DMD: variants seen among roughly 807,000 people sequenced by gnomAD.
The protein encoded by DMD is mutant dystrophin.
A neutral mutation model predicts 330.1 loss-of-function variants in DMD; 63 were observed. The ratio of observed to expected loss-of-function variants is 0.19; its 90% confidence interval spans 0.16 to 0.24. The LOEUF is 0.24. Ranked by LOEUF, DMD falls within the 10% of genes least tolerant of loss-of-function variation. The pLI is 1.00. For missense variants in DMD, 3,344 were observed against 2,684.1 expected, an observed-to-expected ratio of 1.25 and a Z score of -5.43; for synonymous variants, 1,223 against 959.8, an observed-to-expected ratio of 1.27 and a Z score of -5.07.
chrX:32,022,213 T>G (rs777634378), intron 44 of DMD, among the ~76,000 whole-genome samples: 1 of 112,069 alleles, frequency 8.9e-6, no homozygotes, highest in African/African-American at 3.2e-5. Flanking sequence ...TGAGTTGATA[T>G]ATTGAATTAT....
intron 55 of DMD, among the ~76,000 whole-genome samples, chrX:31,557,590 T>G (rs2074922790): frequency 8.9e-6 from 1 of 112,236 alleles, no homozygotes; most frequent in Non-Finnish European, 1.9e-5. Flanking sequence ...AATCTAGCAA[T>G]TAGTACATTG....
At chrX:31,824,642 A>C (rs1354864087) in intron 49 of DMD, among the ~76,000 whole-genome samples, 2 of 111,549 alleles carry the variant, frequency 1.8e-5, no homozygotes, top group Non-Finnish European at 3.8e-5. Flanking sequence ...TTTAAAATAT[A>C]CTTATAAATA....
At chrX:33,072,115 T>C (rs763397431) in intron 1 of DMD, among the ~76,000 whole-genome samples, 16 of 112,085 alleles carry the variant, frequency 1.4e-4, no homozygotes, top group Admixed American at 1.4e-3. Context: ...AGGCATGTGA[T>C]GGTTAAGAAA....
chrX:32,029,774 T>C (rs773361285), intron 44 of DMD, among the ~76,000 whole-genome samples: 1 of 112,245 alleles, frequency 8.9e-6, no homozygotes, highest in East Asian at 2.8e-4. Flanking sequence ...TTTTAATTTG[T>C]TTTGCTAAGT....
intron 55 of DMD, among the ~76,000 whole-genome samples, chrX:31,561,914 C>T (rs2075219786): frequency 8.9e-6 from 1 of 112,266 alleles, no homozygotes; most frequent in Non-Finnish European, 1.9e-5. Flanking sequence ...CACCTTTTCA[C>T]TTTTTGTGAA....
chrX:33,283,540 A>G (rs754750555), intron 1 of DMD, among the ~76,000 whole-genome samples: 11 of 109,634 alleles, frequency 1.0e-4, no homozygotes, highest in African/African-American at 3.6e-4. Flanking sequence ...AAAAAAAAAA[A>G]AAAACATCAA....
At chrX:31,559,640 C>CAAAAAAAAAAAAAAAAA (rs1167550498) in intron 55 of DMD, among the ~76,000 whole-genome samples, 1 of 21,638 alleles carries the variant, frequency 4.6e-5, no homozygotes, top group Non-Finnish European at 1.0e-4. Flanking sequence ...AACTCCGTCT[C>CAAAAAAAAAAAAAAAAA]AAAAAAAAAA....
rs113099997 is a variant in DMD, at chrX:32,472,064, T to C, written c.2949+100A>G. ...TTGCTCAATGGGCAAACTACCATACTTGTCAGAATGACTTAAATTCTAATA... is the reference window on the plus strand; with the variant it reads ...TTGCTCAATGGGCAAACTACCATACCTGTCAGAATGACTTAAATTCTAATA... On this transcript the variant is annotated intron_variant, in intron 22 of 78. Transcript: ENST00000357033. 2.3e-3 allele frequency: 2,463 copies of C among 1,049,906 alleles called. 43 individuals carry two copies. The African/African-American group carries it at 0.04, about 17-fold the overall frequency. The allele number at this position is 1,049,906 out of a possible 1,213,427, so 86.5% of individuals were successfully genotyped here. A position where few individuals can be genotyped will look rare whatever the true frequency, so the allele number is the denominator to read the frequency against.
intron 1 of DMD, among the ~76,000 whole-genome samples, chrX:33,103,668 C>T (rs1229535324): frequency 3.6e-5 from 4 of 111,509 alleles, no homozygotes; most frequent in Non-Finnish European, 7.5e-5. Flanking sequence ...GATTAAAAAG[C>T]TTTATTGCTC....
chrX:31,958,788 T>A (rs1432292774), intron 45 of DMD, among the ~76,000 whole-genome samples: 1 of 112,058 alleles, frequency 8.9e-6, no homozygotes, highest in Non-Finnish European at 1.9e-5. Context: ...TCTTCAGCCC[T>A]TGTCTTCCTC....
chrX:32,186,181 G>A (rs1358630010), intron 44 of DMD, among the ~76,000 whole-genome samples: 1 of 109,953 alleles, frequency 9.1e-6, no homozygotes, highest in Non-Finnish European at 1.9e-5. Context: ...TGTTATTATT[G>A]TTGTTTTCTT....
chrX:32,684,399 TAA>T (rs1445285566), intron 9 of DMD, among the ~76,000 whole-genome samples: 2 of 111,700 alleles, frequency 1.8e-5, no homozygotes, highest in Admixed American at 1.9e-4. Flanking sequence ...ATATTTACCC[TAA>T]GTTTTATTAA....
intron 7 of DMD, among the ~76,000 whole-genome samples, chrX:32,730,267 C>G (rs6631637): frequency 0.11 from 11,893 of 112,054 alleles, 1,520 homozygotes; most frequent in African/African-American, 0.37. Context: ...GATCACTTGA[C>G]TCAGGAGTTG....
At chrX:33,232,104 C>T (rs1181179013) in intron 1 of DMD, among the ~76,000 whole-genome samples, 7 of 111,773 alleles carry the variant, frequency 6.3e-5, no homozygotes, top group Non-Finnish European at 3.8e-5. Context: ...GTGAAATTAT[C>T]CTTCAAAAGT....
chrX:32,352,260 C>T (rs1442550622), intron 37 of DMD, among the ~76,000 whole-genome samples: 1 of 110,450 alleles, frequency 9.1e-6, no homozygotes, highest in African/African-American at 3.3e-5. Flanking sequence ...AATTTTATAA[C>T]CTTACAGTAA....
At chrX:32,554,977 G>GAGAGAGAAAGAA (rs1480836234) in intron 16 of DMD, among the ~76,000 whole-genome samples, 3 of 105,910 alleles carry the variant, frequency 2.8e-5, no homozygotes, top group African/African-American at 6.8e-5. Flanking sequence ...GAGAGAGAGA[G>GAGAGAGAAAGAA]AGAGAGAAAG....
intron 54 of DMD, among the ~76,000 whole-genome samples, chrX:31,638,730 A>C (rs1008442686): frequency 8.9e-6 from 1 of 112,623 alleles, no homozygotes; most frequent in Non-Finnish European, 1.9e-5. Context: ...GTTTTACTAA[A>C]TTAGCTAATC....
intron 4 of DMD, among the ~76,000 whole-genome samples, chrX:32,835,390 G>C (rs2079526610): frequency 8.9e-6 from 1 of 112,556 alleles, no homozygotes; most frequent in South Asian, 3.6e-4. Context: ...TAGTAGCATA[G>C]TCTCCCATTT....
intron 55 of DMD, among the ~76,000 whole-genome samples, chrX:31,618,595 T>C (rs1211344068): frequency 1.8e-5 from 2 of 112,046 alleles, no homozygotes; most frequent in Non-Finnish European, 3.8e-5. Flanking sequence ...TTCCCTGTAA[T>C]GCTGAGTCAA....
Sources: allele counts gnomAD v4.1 joint callset (sites outside exome capture counted in the v4.1 genomes callset), GRCh38; gene constraint gnomAD v4.1.1; transcripts MANE v1.5; gene names NCBI Gene and HGNC (gene_info 2026-07-23, HGNC 2026-07-21).